The following GEM variants were observed in gnomAD, a reference collection of about 807,000 sequenced individuals.
The protein encoded by GEM is GTP binding protein overexpressed in skeletal muscle, also known as GTP-binding protein GEM.
In GEM, 31 loss-of-function variants were observed where a neutral mutation model predicts 33.0. The observed-to-expected ratio is 0.94, with a 90% confidence interval of 0.71 to 1.27. The LOEUF is 1.27. GEM is among the 50% of genes most tolerant of loss of function. GEM has a pLI of 0.00. For synonymous variants in GEM, 141 were observed against 143.7 expected (o/e 0.98, Z 0.13); for missense variants, 354 against 390.5 (o/e 0.91, Z 0.79).
At position 94,260,272 on chromosome 8, in the gene GEM, C is replaced by T. The variant is rs1343671433; in HGVS notation, c.232G>A (p.Val78Met). The T allele has an allele frequency of 6.2e-7, 1 of 1,613,784 alleles. No individual in the cohort carries two copies. Among genetic ancestry groups the T allele is most frequent in the African/African-American group, 1.3e-5 (1 of 75,048 alleles). The change falls in exon 2 of 5, where the codon GTG becomes ATG. Residue 78 changes from valine (V) to methionine (M), a missense_variant. By Grantham distance (21) the Val-to-Met change is conservative. Coordinates refer to ENST00000297596, the MANE Select transcript of GEM (RefSeq NM_005261.4). Reference sequence around the variant, plus strand: ...ACCCCCTGCTCCCCTATGAGCACCACTCGGTAGTAGGTGTTCCCTGACTCA... The same window carrying T: ...ACCCCCTGCTCCCCTATGAGCACCATTCGGTAGTAGGTGTTCCCTGACTCA... Reference protein sequence around the residue: ...SSESGNTYYRVVLIGEQGVGK... With the variant: ...SSESGNTYYRMVLIGEQGVGK...
At chr8:94,255,514 C>A (rs941256423) in intron 2 of GEM, among the ~76,000 whole-genome samples, 1 of 152,140 alleles carries the variant, frequency 6.6e-6, no homozygotes, top group Non-Finnish European at 1.5e-5. Flanking sequence ...ACCCTTCCAG[C>A]ACACATGGCA....
chr8:94,256,468 A>C (rs573449390), intron 2 of GEM, among the ~76,000 whole-genome samples: 1 of 152,306 alleles, frequency 6.6e-6, no homozygotes, highest in Non-Finnish European at 1.5e-5. Context: ...CCTTCTGCCC[A>C]AGACTGGCTC....
At chr8:94,256,600 A>G (rs531033265) in intron 2 of GEM, among the ~76,000 whole-genome samples, 60 of 152,266 alleles carry the variant, frequency 3.9e-4, no homozygotes, top group African/African-American at 1.4e-3. Flanking sequence ...AACTGCTTCC[A>G]GCTTTCATAG....
chr8:94,258,230 C>T (rs1181973581), intron 2 of GEM, among the ~76,000 whole-genome samples: 1 of 151,672 alleles, frequency 6.6e-6, no homozygotes, highest in Non-Finnish European at 1.5e-5. Context: ...TTCTAATGGA[C>T]AAACATTTTT....
At chr8:94,255,212 G>A (rs76614357) in intron 2 of GEM, among the ~76,000 whole-genome samples, 107 of 152,218 alleles carry the variant, frequency 7.0e-4, no homozygotes, top group East Asian at 3.3e-3. Flanking sequence ...TGTTCCAATC[G>A]CTGACGGAAA....
At chr8:94,258,137 C>G (rs990951970) in intron 2 of GEM, among the ~76,000 whole-genome samples, 2 of 151,914 alleles carry the variant, frequency 1.3e-5, no homozygotes, top group East Asian at 3.9e-4. Flanking sequence ...GGGAAGGCTA[C>G]CTTTCCAAAT....
chr8:94,260,803 CA>C, intron 1 of GEM: 1 of 289,394 alleles, frequency 3.5e-6, no homozygotes. Flanking sequence ...CCCCCTTCCT[CA>C]AAGCAGACTT....
At position 94,249,652 on chromosome 8, in the gene GEM, CT is replaced by C. The variant is rs1180676919; in HGVS notation, c.*657del. 1.3e-5 allele frequency: 2 copies of C among 151,350 alleles called. No homozygotes were observed. The highest frequency in any genetic ancestry group is 2.1e-4 in the South Asian group (1 of 4,812). 9.4% of individuals were successfully genotyped at this position (151,350 alleles called of 1,614,324 possible). A position where few individuals can be genotyped will look rare whatever the true frequency, so the allele number is the denominator to read the frequency against. ...AGAATCTGATTCAAATAATTTCCCCCTAAATAAGAAATTGTAAGATATAATT... is the reference window on the plus strand; with the variant it reads ...AGAATCTGATTCAAATAATTTCCCCCAAATAAGAAATTGTAAGATATAATT... On this transcript the variant is annotated 3_prime_UTR_variant, in exon 5 of 5. Coordinates refer to ENST00000297596, the MANE Select transcript of GEM (RefSeq NM_005261.4).
chr8:94,254,156 T>G (rs1808837580), intron 2 of GEM, among the ~76,000 whole-genome samples: 1 of 152,176 alleles, frequency 6.6e-6, no homozygotes, highest in African/African-American at 2.4e-5. Flanking sequence ...TGCTTTATGT[T>G]TCTCCATCTC....
chr8:94,261,323 C>A (rs896764178), intron 1 of GEM, among the ~76,000 whole-genome samples: 1 of 152,150 alleles, frequency 6.6e-6, no homozygotes, highest in Non-Finnish European at 1.5e-5. Context: ...AAAACCACAT[C>A]CATTCTCAAG....
At chr8:94,253,535 G>A (rs531676364) in intron 2 of GEM, among the ~76,000 whole-genome samples, 29 of 152,288 alleles carry the variant, frequency 1.9e-4, no homozygotes, top group African/African-American at 5.8e-4. Flanking sequence ...CTTTCAGTGG[G>A]TAGTTACTGA....
chr8:94,256,996 C>G (rs1808904119), intron 2 of GEM, among the ~76,000 whole-genome samples: 1 of 152,236 alleles, frequency 6.6e-6, no homozygotes, highest in Non-Finnish European at 1.5e-5. Context: ...AGAGCTGCGT[C>G]TAAACCCATC....
At chr8:94,260,023 G>A (rs1763404677) in intron 2 of GEM, 150 bp downstream of exon 2, 2 of 577,666 alleles carry the variant, frequency 3.5e-6, no homozygotes, top group South Asian at 2.5e-5. Flanking sequence ...GCCTGTGCTT[G>A]GGCTTTTCTA....
chr8:94,250,339 T>C lies in GEM; in HGVS notation c.862A>G (p.Lys288Glu). Residue 288 changes from lysine (K) to glutamate (E), a missense_variant, in exon 5 of 5, where the codon AAA (lysine) becomes GAA (glutamate). Lys to Glu is a moderately conservative substitution (Grantham distance 56, BLOSUM62 1). Transcript: ENST00000297596. ...AGTACAGAGAGGTCATGGCAGGATT[T>C]GGACTTGAGCTTGAAGGCCATATTC... ...NKNMAFKLKS[K>E]SCHDLSVL 1 of 1,614,072 alleles carries C rather than the reference T, an allele frequency of 6.2e-7. No individual in the cohort carries two copies. The highest frequency in any genetic ancestry group is 8.5e-7 in the Non-Finnish European group (1 of 1,179,950).
Position 94,260,262 on chromosome 8 carries a change from A to T in GEM, c.242T>A (p.Ile81Lys). 6.2e-7 allele frequency: 1 copy of T among 1,613,306 alleles called. No homozygotes were observed. Among genetic ancestry groups the T allele is most frequent in the South Asian group, 1.1e-5 (1 of 91,064 alleles). ...GGACTTGCCCACCCCCTGCTCCCCTATGAGCACCACTCGGTAGTAGGTGTT... is the reference window on the plus strand; with the variant it reads ...GGACTTGCCCACCCCCTGCTCCCCTTTGAGCACCACTCGGTAGTAGGTGTT... ...SGNTYYRVVL[I>K]GEQGVGKSTL... Residue 81 changes from isoleucine to lysine, a missense_variant, in exon 2 of 5, where the codon ATA becomes AAA. By Grantham distance (102) the Ile-to-Lys change is moderately radical (BLOSUM62 -3). Transcript: ENST00000297596.
At chr8:94,260,592 T>C (rs1002609324) in intron 1 of GEM, 80 bp from the exon 2 acceptor site, 5 of 745,480 alleles carry the variant, frequency 6.7e-6, no homozygotes, top group African/African-American at 1.8e-5. Context: ...CAGTCATCAG[T>C]AATATTTTAT....
intron 2 of GEM, 119 bp downstream of exon 2, chr8:94,260,054 A>G (rs1254908360): frequency 7.7e-6 from 5 of 649,500 alleles, no homozygotes; most frequent in African/African-American, 7.2e-5. Context: ...TCCCCCATCA[A>G]TTGTCCAAAA....
rs1297605393 is a variant in GEM at position 94,249,509 on chromosome 8, T to C, written c.*801A>G. On this transcript the variant is annotated 3_prime_UTR_variant, in exon 5 of 5. Transcript: ENST00000297596. ...TTATAAAAATTCAGACTTCTGATTA[T>C]ACATTAAAAATTGACATTTTGCACT... 3 of 152,364 alleles carry C rather than the reference T, an allele frequency of 2.0e-5. No individual in the cohort carries two copies. Among genetic ancestry groups the C allele is most frequent in the Admixed American group, 6.5e-5 (1 of 15,310 alleles). 9.4% of individuals were successfully genotyped at this position (152,364 alleles called of 1,614,324 possible). A position where few individuals can be genotyped will look rare whatever the true frequency, so the allele number is the denominator to read the frequency against.
intron 1 of GEM, among the ~76,000 whole-genome samples, chr8:94,261,203 C>G (rs1809015965): frequency 6.6e-6 from 1 of 152,208 alleles, no homozygotes; most frequent in Admixed American, 6.5e-5. Flanking sequence ...CTCTTACCCA[C>G]AGATACCACT....
Sources: gnomAD v4.1 joint callset for allele counts (sites outside exome capture counted in the v4.1 genomes callset) on GRCh38, gnomAD v4.1.1 for gene constraint, MANE v1.5 for transcripts, NCBI Gene and HGNC (gene_info 2026-07-23, HGNC 2026-07-21) for gene names.